Variants in AKT3 observed in about 807,000 individuals in gnomAD.
AKT3 encodes the protein AKT serine/threonine kinase 3, also known as RAC-gamma serine/threonine-protein kinase.
Under a neutral mutation model 65.3 loss-of-function variants are expected in AKT3, and 15 were observed. The observed-to-expected ratio is 0.23, with a 90% CI of 0.15 to 0.35. The LOEUF (loss-of-function observed/expected upper bound fraction) is 0.35. Ranked by LOEUF, AKT3 falls within the 10% of genes least tolerant of loss-of-function variation. The pLI, the probability that AKT3 is intolerant of heterozygous loss-of-function variation, is 1.00. For missense variants in AKT3, 243 were observed against 576.5 expected, an observed-to-expected ratio of 0.42 and a Z score of 5.92; for synonymous variants, 206 against 183.8, an observed-to-expected ratio of 1.12 and a Z score of -0.98.
intron 2 of AKT3, among the ~76,000 whole-genome samples, chr1:243,782,474 C>T (rs1300708321): frequency 6.6e-6 from 1 of 152,166 alleles, no homozygotes; most frequent in African/African-American, 2.4e-5. Context: ...AACTACTTCA[C>T]TGGGGTACCT....
intron 10 of AKT3, among the ~76,000 whole-genome samples, chr1:243,559,912 C>T (rs12144559): frequency 2.0e-5 from 3 of 151,824 alleles, no homozygotes; most frequent in Non-Finnish European, 4.4e-5. Flanking sequence ...AAAAAAAGTG[C>T]GAGACACCAT....
chr1:243,680,237 T>C (rs991172772), intron 3 of AKT3, among the ~76,000 whole-genome samples: 1 of 152,166 alleles, frequency 6.6e-6, no homozygotes, highest in African/African-American at 2.4e-5. Context: ...AAAAGGACAC[T>C]GAGACTTCAT....
chr1:243,704,979 G>A (rs1261438203), intron 2 of AKT3, among the ~76,000 whole-genome samples: 3 of 152,058 alleles, frequency 2.0e-5, no homozygotes, highest in Admixed American at 6.6e-5. Flanking sequence ...CCACACGGAA[G>A]GTGTTTACAA....
rs1314983600 is a variant in AKT3, at chr1:243,680,435, G to T, written c.172+15156C>A. Among the ~76,000 whole-genome samples the T allele has an allele frequency of 2.0e-5, 3 of 151,984 alleles. No individual in the cohort carries two copies. The East Asian group carries it at 5.8e-4, about 29-fold the overall frequency. ...ACCCTAGTCTCTTTTCTCTTCCCCT[G>T]CATTTCATTTTTTCATTAGCATCTG... On this transcript the variant is annotated intron_variant, in intron 3 of 13. Transcript: ENST00000673466.
At chr1:243,594,085 T>A (rs1416418298) in intron 8 of AKT3, among the ~76,000 whole-genome samples, 2 of 152,156 alleles carry the variant, frequency 1.3e-5, no homozygotes, top group Non-Finnish European at 2.9e-5. Flanking sequence ...CTAGAACTAA[T>A]AAGTGAGCTT....
intron 6 of AKT3, among the ~76,000 whole-genome samples, chr1:243,619,377 T>C (rs992927206): frequency 3.3e-5 from 5 of 152,176 alleles, no homozygotes; most frequent in African/African-American, 1.2e-4. Context: ...CAAATTCTTC[T>C]CTTCCAGCTA....
At chr1:243,772,251 C>A (rs1217204905) in intron 2 of AKT3, among the ~76,000 whole-genome samples, 2 of 151,868 alleles carry the variant, frequency 1.3e-5, no homozygotes, top group Admixed American at 6.6e-5. Context: ...AGTGAACAGG[C>A]AACCTACAGA....
At chr1:243,803,645 TAC>T (rs72379577) in intron 2 of AKT3, among the ~76,000 whole-genome samples, 29,125 of 136,242 alleles carry the variant, frequency 0.21, 3,198 homozygotes, top group South Asian at 0.32. Context: ...GACGTACATG[TAC>T]ACACACACAC....
rs544294212 is a variant in AKT3 at position 243,521,063 on chromosome 1, G to A, written c.1252-8637C>T. On this transcript the variant is annotated intron_variant, in intron 12 of 13. Coordinates refer to ENST00000673466, the MANE Select transcript of AKT3 (RefSeq NM_005465.7). ...CAGACCTTTTTTAGTAACAAGTCAC[G>A]TGCTACTATCAGATATCTATATTCT... Among the ~76,000 whole-genome samples, 4 of 152,272 alleles carry A rather than the reference G, an allele frequency of 2.6e-5. No homozygotes were observed. The South Asian group carries it at 6.2e-4, about 24-fold the overall frequency.
rs183174246 is a variant in AKT3, at chr1:243,642,014, C to T, written c.429+3879G>A. 1.8e-3 allele frequency among the ~76,000 whole-genome samples: 279 copies of T among 152,106 alleles called. 3 individuals carry two copies. The highest frequency in any genetic ancestry group is 6.6e-3 in the African/African-American group (273 of 41,494). On this transcript the variant is annotated intron_variant, in intron 5 of 13. Coordinates refer to ENST00000673466, the MANE Select transcript of AKT3 (RefSeq NM_005465.7). ...TGAGGCTAAAAAAAAAGTATGACAG[C>T]CTTCACTGAACTTCACAGCTTGTCA... is the stretch of plus-strand genomic sequence containing the variant.
intron 2 of AKT3, among the ~76,000 whole-genome samples, chr1:243,708,974 C>G (rs1174983787): frequency 6.6e-6 from 1 of 151,922 alleles, no homozygotes; most frequent in Non-Finnish European, 1.5e-5. Flanking sequence ...CACTAAGAAT[C>G]TTTACATAGC....
At chr1:243,616,039 T>C (rs1370128450) in intron 6 of AKT3, among the ~76,000 whole-genome samples, 1 of 151,916 alleles carries the variant, frequency 6.6e-6, no homozygotes, top group Non-Finnish European at 1.5e-5. Context: ...TTCCTTTGGT[T>C]GGGGGCGTGG....
intron 2 of AKT3, among the ~76,000 whole-genome samples, chr1:243,792,818 A>T (rs10927075): frequency 0.51 from 77,801 of 152,110 alleles, 23,733 homozygotes; most frequent in Non-Finnish European, 0.68. Context: ...TAATAAAGCC[A>T]AACATCAGCT....
intron 2 of AKT3, among the ~76,000 whole-genome samples, chr1:243,698,529 T>G (rs555045277): frequency 1.9e-4 from 29 of 152,208 alleles, no homozygotes; most frequent in Non-Finnish European, 3.7e-4. Context: ...ATTAAGCAGA[T>G]TTTTAAACTT....
chr1:243,567,807 A>T (rs1674278536), intron 9 of AKT3, among the ~76,000 whole-genome samples: 2 of 152,202 alleles, frequency 1.3e-5, no homozygotes, highest in African/African-American at 4.8e-5. Flanking sequence ...AAATCAGGAG[A>T]TAATAAAATG....
At chr1:243,828,163 G>C (rs1366876332) in intron 2 of AKT3, among the ~76,000 whole-genome samples, 1 of 152,078 alleles carries the variant, frequency 6.6e-6, no homozygotes, top group Admixed American at 6.6e-5. Flanking sequence ...CTAAATATTA[G>C]TAAAGTTGAT....
At chr1:243,721,991 CATATTAT>C (rs1470862933) in intron 2 of AKT3, among the ~76,000 whole-genome samples, 1 of 152,056 alleles carries the variant, frequency 6.6e-6, no homozygotes, top group African/African-American at 2.4e-5. Context: ...TAAATTTCTA[CATATTAT>C]ATAACAAAAT....
At chr1:243,719,940 A>G (rs562997970) in intron 2 of AKT3, among the ~76,000 whole-genome samples, 16 of 152,310 alleles carry the variant, frequency 1.1e-4, no homozygotes, top group Non-Finnish European at 2.2e-4. Context: ...TACACTGAAC[A>G]TCTCTTGTAT....
At chr1:243,809,835 CT>C (rs1693010158) in intron 2 of AKT3, among the ~76,000 whole-genome samples, 1 of 152,212 alleles carries the variant, frequency 6.6e-6, no homozygotes, top group Non-Finnish European at 1.5e-5. Context: ...CAAACTGTTT[CT>C]CAGACCACAG....
Sources: allele counts gnomAD v4.1 joint callset (sites outside exome capture counted in the v4.1 genomes callset), GRCh38; gene constraint gnomAD v4.1.1; transcripts MANE v1.5; gene names NCBI Gene and HGNC (gene_info 2026-07-23, HGNC 2026-07-21).